The following ASB15 variants were observed in gnomAD, a reference collection of about 807,000 sequenced individuals.
ASB15 encodes the protein ankyrin repeat and SOCS box protein 15.
ASB15 carries 54 observed loss-of-function variants against 58.0 expected under a neutral mutation model. The observed-to-expected ratio is 0.93, with a 90% CI of 0.75 to 1.17. ASB15 has a LOEUF of 1.17. Ranked by LOEUF, ASB15 falls within the 50% of genes most tolerant of loss-of-function variation. ASB15 has a pLI of 0.00. For missense variants in ASB15, 680 were observed against 707.4 expected, an observed-to-expected ratio of 0.96 and a Z score of 0.44; for synonymous variants, 249 against 262.4, an observed-to-expected ratio of 0.95 and a Z score of 0.50.
chr7:123,595,108 G>A (rs1204320834), intron 1 of ASB15, among the ~76,000 whole-genome samples: 2 of 152,220 alleles, frequency 1.3e-5, no homozygotes, highest in Non-Finnish European at 2.9e-5. Flanking sequence ...GGAACTCGCT[G>A]AGCCAGGCAT....
chr7:123,607,450 C>T lies in ASB15; in HGVS notation c.-63-1144C>T, dbSNP rs1800203366. ...GCTGAGATAAACATTCTCACATGCA[C>T]ATCTTTTTTTACATCTCTGATTATT... On this transcript the variant is annotated intron_variant, in intron 2 of 11. Coordinates refer to ENST00000451215, the MANE Select transcript of ASB15 (RefSeq NM_001290258.2). Among the ~76,000 whole-genome samples the T allele has an allele frequency of 2.6e-5, 4 of 152,208 alleles. 1 individual carries two copies. In the South Asian group the frequency reaches 8.3e-4, roughly 32 times the overall value.
intron 7 of ASB15, among the ~76,000 whole-genome samples, chr7:123,619,171 C>A (rs1486654005): frequency 9.0e-6 from 1 of 111,620 alleles, no homozygotes; most frequent in Admixed American, 1.2e-4. Flanking sequence ...CAGAGAGAGA[C>A]GCCGTCTCAA....
intron 1 of ASB15, among the ~76,000 whole-genome samples, chr7:123,590,392 T>C (rs1799501132): frequency 6.6e-6 from 1 of 152,244 alleles, no homozygotes; most frequent in Non-Finnish European, 1.5e-5. Flanking sequence ...ATGAAGTCTT[T>C]GCTCACGCCT....
chr7:123,589,141 A>G (rs1204208542), intron 1 of ASB15, among the ~76,000 whole-genome samples: 1 of 151,836 alleles, frequency 6.6e-6, no homozygotes, highest in Non-Finnish European at 1.5e-5. Flanking sequence ...AAAGTAGAGT[A>G]TTGAAGTCCC....
chr7:123,599,466 C>T (rs1268627226), upstream of ASB15, among the ~76,000 whole-genome samples: 1 of 152,124 alleles, frequency 6.6e-6, no homozygotes, highest in African/African-American at 2.4e-5. Context: ...ATAGCAAGAG[C>T]TGTTTTTTAA....
At chr7:123,570,103 C>T (rs1241792350) in intron 1 of ASB15, among the ~76,000 whole-genome samples, 2 of 143,484 alleles carry the variant, frequency 1.4e-5, no homozygotes, top group Non-Finnish European at 3.0e-5. Flanking sequence ...GGCACGATCT[C>T]GGCTCACTAT....
At chr7:123,606,720 C>A (rs1486378707) in intron 2 of ASB15, among the ~76,000 whole-genome samples, 2 of 152,128 alleles carry the variant, frequency 1.3e-5, no homozygotes, top group African/African-American at 2.4e-5. Flanking sequence ...TCTCTCTGTA[C>A]CTGGCTTGTT....
chr7:123,568,366 C>A (rs1339099449), intron 1 of ASB15, among the ~76,000 whole-genome samples: 4 of 149,948 alleles, frequency 2.7e-5, no homozygotes, highest in African/African-American at 7.4e-5. Flanking sequence ...AAAAAAAATA[C>A]AAAATTAGCC....
intron 1 of ASB15, among the ~76,000 whole-genome samples, chr7:123,578,451 C>T (rs1799130509): frequency 6.6e-6 from 1 of 151,866 alleles, no homozygotes. Context: ...TTTCCTCCTT[C>T]TACTTATTTT....
chr7:123,629,407 G>T lies in ASB15; in HGVS notation c.1413G>T (p.Trp471Cys). The T allele has an allele frequency of 6.2e-7, 1 of 1,610,840 alleles. No individual in the cohort carries two copies. Among genetic ancestry groups the T allele is most frequent in the Non-Finnish European group, 8.5e-7 (1 of 1,179,234 alleles). The change falls in exon 10 of 12, where the codon TGG becomes TGT. Residue 471 changes from tryptophan to cysteine, a missense_variant. Trp to Cys is a radical substitution (Grantham distance 215). Coordinates refer to ENST00000451215, the MANE Select transcript of ASB15 (RefSeq NM_001290258.2). ...SEIQEEVLPG[W>C]TSCVIKDNPF... ...TACAGGAAGAGGTGCTGCCAGGATG[G>T]ACATCTTGTGTAATAAAAGATAACC...
At chr7:123,574,683 C>T (rs1185947060) in intron 1 of ASB15, among the ~76,000 whole-genome samples, 1 of 152,084 alleles carries the variant, frequency 6.6e-6, no homozygotes, top group East Asian at 1.9e-4. Context: ...TCCATTTCTC[C>T]ATCTCTGTGG....
intron 1 of ASB15, among the ~76,000 whole-genome samples, chr7:123,588,740 C>T (rs1393774370): frequency 6.6e-6 from 1 of 151,450 alleles, no homozygotes; most frequent in Non-Finnish European, 1.5e-5. Flanking sequence ...ATTGCTTTTG[C>T]TACATCTTGC....
upstream of ASB15, chr7:123,601,797 A>C (rs1348205591): frequency 6.6e-6 from 1 of 152,128 alleles, no homozygotes; most frequent in Admixed American, 6.6e-5. Flanking sequence ...TCTTAATTTA[A>C]CCACCAACTG....
At chr7:123,597,090 C>A (rs940405911), upstream of ASB15, among the ~76,000 whole-genome samples, 3 of 152,110 alleles carry the variant, frequency 2.0e-5, no homozygotes, top group Non-Finnish European at 4.4e-5. Context: ...TTACCCTAGT[C>A]AAAAAATATT....
intron 1 of ASB15, among the ~76,000 whole-genome samples, chr7:123,583,883 A>G (rs1227342921): frequency 1.3e-5 from 2 of 151,894 alleles, no homozygotes; most frequent in Non-Finnish European, 2.9e-5. Flanking sequence ...GCCAAATCCA[A>G]TGGTCAGTTC....
chr7:123,599,058 A>T (rs1483455946), upstream of ASB15: 5 of 152,224 alleles, frequency 3.3e-5, no homozygotes, highest in Non-Finnish European at 7.3e-5. Context: ...TTTTATGCCT[A>T]ACCAAAATAA....
chr7:123,587,704 C>T (rs945154750), intron 1 of ASB15, among the ~76,000 whole-genome samples: 1 of 151,620 alleles, frequency 6.6e-6, no homozygotes, highest in Non-Finnish European at 1.5e-5. Flanking sequence ...TGTTGAGGTA[C>T]ATTCTTTCTA....
chr7:123,616,128 TAA>T, intron 4 of ASB15, 91 bp from the exon 5 acceptor site: 3 of 1,080,156 alleles, frequency 2.8e-6, no homozygotes, highest in Non-Finnish European at 4.0e-6. Context: ...TTATTAAAAT[TAA>T]GTTTAAAAAT....
intron 1 of ASB15, among the ~76,000 whole-genome samples, chr7:123,593,000 A>G (rs2116367002): frequency 6.6e-6 from 1 of 152,024 alleles, no homozygotes; most frequent in South Asian, 2.1e-4. Context: ...CTTCCTGTTG[A>G]ATTGATCCCT....
Sources: gnomAD v4.1 joint callset for allele counts (sites outside exome capture counted in the v4.1 genomes callset) on GRCh38, gnomAD v4.1.1 for gene constraint, MANE v1.5 for transcripts, NCBI Gene and HGNC (gene_info 2026-07-23, HGNC 2026-07-21) for gene names.